The following ZNF385D variants were observed in gnomAD, a reference collection of about 807,000 sequenced individuals.
ZNF385D encodes zinc finger protein 385D.
A neutral mutation model predicts 35.8 loss-of-function variants in ZNF385D; 15 were observed. The observed-to-expected ratio is 0.42, with a 90% confidence interval of 0.28 to 0.64. ZNF385D has a LOEUF of 0.64. Ranked by LOEUF, ZNF385D falls within the 30% of genes least tolerant of loss-of-function variation. ZNF385D has a pLI of 0.23. For missense variants in ZNF385D, 474 were observed against 494.6 expected (o/e 0.96, Z 0.39); for synonymous variants, 212 against 186.8 (o/e 1.13, Z -1.10).
At chr3:22,294,577 G>A (rs1009645176) in intron 2 of ZNF385D, among the ~76,000 whole-genome samples, 2 of 151,920 alleles carry the variant, frequency 1.3e-5, no homozygotes, top group African/African-American at 4.8e-5. Flanking sequence ...AAAATTTCAA[G>A]GCTAAAATAA....
intron 2 of ZNF385D, among the ~76,000 whole-genome samples, chr3:22,205,438 C>A (rs898394030): frequency 5.3e-5 from 8 of 151,118 alleles, no homozygotes; most frequent in Non-Finnish European, 4.4e-5. Flanking sequence ...TCTGAAGGTA[C>A]AAAACTTGCT....
intron 3 of ZNF385D, among the ~76,000 whole-genome samples, chr3:21,874,559 C>T (rs1163183154): frequency 6.6e-6 from 1 of 152,012 alleles, no homozygotes; most frequent in Admixed American, 6.6e-5. Flanking sequence ...TTCCACTGAT[C>T]CATGTGTCTG....
At chr3:21,701,193 C>T (rs1228862430) in intron 1 of ZNF385D, among the ~76,000 whole-genome samples, 1 of 152,196 alleles carries the variant, frequency 6.6e-6, no homozygotes, top group East Asian at 1.9e-4. Context: ...CTAATAAAGA[C>T]ATACCAGAAA....
chr3:22,234,253 C>T (rs1029814265), intron 2 of ZNF385D, among the ~76,000 whole-genome samples: 1 of 152,028 alleles, frequency 6.6e-6, no homozygotes, highest in Non-Finnish European at 1.5e-5. Context: ...CTTTCATCTC[C>T]TCAATGTATT....
chr3:21,828,080 A>G, intron 3 of ZNF385D, among the ~76,000 whole-genome samples: 1 of 152,232 alleles, frequency 6.6e-6, no homozygotes, highest in East Asian at 1.9e-4. Flanking sequence ...CTATGGGAAT[A>G]TTATGTCTGT....
At chr3:21,478,819 C>A (rs1383998256) in intron 4 of ZNF385D, among the ~76,000 whole-genome samples, 1 of 151,998 alleles carries the variant, frequency 6.6e-6, no homozygotes, top group African/African-American at 2.4e-5. Context: ...AGAAAATAGA[C>A]TTAAAGGACA....
rs115447519 is a variant in ZNF385D, at chr3:22,044,961, T to C, written c.325+123856A>G. Reference sequence around the variant, plus strand: ...AGAGGTACATAAAAAAAGACTGAGCTGAGATTGTGCCACTGCCCTCCAGCC... The same window carrying C: ...AGAGGTACATAAAAAAAGACTGAGCCGAGATTGTGCCACTGCCCTCCAGCC... On this transcript the variant is annotated intron_variant, in intron 3 of 5. Transcript: ENST00000494108. 9.8e-3 allele frequency among the ~76,000 whole-genome samples: 1,486 copies of C among 152,192 alleles called. 31 individuals are homozygous for C. Among genetic ancestry groups the C allele is most frequent in the African/African-American group, 0.033 (1,391 of 41,532 alleles).
chr3:21,951,129 CTTTGGGCAGTATGGCCA>C (rs1481498348), intron 3 of ZNF385D, among the ~76,000 whole-genome samples: 1 of 151,664 alleles, frequency 6.6e-6, no homozygotes, highest in Non-Finnish European at 1.5e-5. Flanking sequence ...CTATAAATTA[CTTTGGGCAGTATGGCCA>C]TTTTCATGAT....
chr3:21,442,886 A>AGTGTGTGTGTGTGTGTGTGT (rs4045435), intron 4 of ZNF385D, among the ~76,000 whole-genome samples: 1 of 147,164 alleles, frequency 6.8e-6, no homozygotes, highest in Non-Finnish European at 1.5e-5. Context: ...TCTGTGTATA[A>AGTGTGTGTGTGTGTGTGTGT]GTGTGTGTGT....
At chr3:22,020,023 AAATT>A (rs1285398052) in intron 3 of ZNF385D, among the ~76,000 whole-genome samples, 4 of 151,880 alleles carry the variant, frequency 2.6e-5, no homozygotes, top group African/African-American at 7.2e-5. Flanking sequence ...TTTAATAATT[AAATT>A]AATATTATTA....
At chr3:22,339,961 C>A in intron 2 of ZNF385D, among the ~76,000 whole-genome samples, 1 of 152,208 alleles carries the variant, frequency 6.6e-6, no homozygotes, top group Non-Finnish European at 1.5e-5. Context: ...TTCCATTTCC[C>A]ACTTTCTGTG....
chr3:22,002,498 T>C (rs1233160592), intron 3 of ZNF385D, among the ~76,000 whole-genome samples: 1 of 152,118 alleles, frequency 6.6e-6, no homozygotes, highest in Non-Finnish European at 1.5e-5. Flanking sequence ...TCTACCAAAC[T>C]GTTAAATAAG....
chr3:21,586,319 G>A (rs2063810271), intron 2 of ZNF385D, among the ~76,000 whole-genome samples: 2 of 152,058 alleles, frequency 1.3e-5, no homozygotes, highest in South Asian at 4.1e-4. Flanking sequence ...AAGACTACTG[G>A]GAAGATTAAA....
At chr3:21,865,821 T>C (rs1434172374) in intron 3 of ZNF385D, among the ~76,000 whole-genome samples, 2 of 152,132 alleles carry the variant, frequency 1.3e-5, no homozygotes, top group African/African-American at 4.8e-5. Context: ...ATGTACTCTT[T>C]ACTACTTCAA....
At position 21,848,286 on chromosome 3, in the gene ZNF385D, T is replaced by A. The variant is rs146258745; in HGVS notation, c.326-183258A>T. On this transcript the variant is annotated intron_variant, in intron 3 of 5. Transcript: ENST00000494108. ...TAGGTTGTTTCCACATTTTGGCTAG[T>A]CAGTAGTGCTACAGTGAACATGGGA... 7.9e-5 allele frequency among the ~76,000 whole-genome samples: 12 copies of A among 152,126 alleles called. No homozygotes were observed. The East Asian group carries it at 2.1e-3, about 27-fold the overall frequency.
intron 4 of ZNF385D, among the ~76,000 whole-genome samples, chr3:21,445,461 CTTTCT>C (rs1702097110): frequency 6.6e-6 from 1 of 152,152 alleles, no homozygotes; most frequent in Non-Finnish European, 1.5e-5. Flanking sequence ...AAATTGCCCT[CTTTCT>C]TTTCTTTAGC....
At chr3:21,633,124 A>G (rs1039466757) in intron 2 of ZNF385D, among the ~76,000 whole-genome samples, 3 of 152,092 alleles carry the variant, frequency 2.0e-5, no homozygotes, top group African/African-American at 7.2e-5. Flanking sequence ...TCATAATCTG[A>G]TAGTTAAAGG....
chr3:22,293,225 G>A (rs748449248), intron 2 of ZNF385D, among the ~76,000 whole-genome samples: 3 of 151,820 alleles, frequency 2.0e-5, no homozygotes, highest in Non-Finnish European at 4.4e-5. Context: ...TCATTACTTT[G>A]GAGAGCAAGC....
At chr3:21,751,230 C>T (rs2070066240), upstream of ZNF385D, 3 of 1,208,426 alleles carry the variant, frequency 2.5e-6, no homozygotes, top group East Asian at 1.4e-4. Flanking sequence ...ACAAGCAGAC[C>T]CCTCCACCCC....
Sources: allele counts gnomAD v4.1 joint callset (sites outside exome capture counted in the v4.1 genomes callset), GRCh38; gene constraint gnomAD v4.1.1; transcripts MANE v1.5; gene names NCBI Gene and HGNC (gene_info 2026-07-23, HGNC 2026-07-21).